Variants in XG observed in about 807,000 individuals in gnomAD.
The protein encoded by XG is Xg glycoprotein (Xg blood group).
XG carries 24 observed loss-of-function variants against 25.7 expected under a neutral mutation model. That is an observed-to-expected ratio of 0.93 (90% confidence interval 0.68 to 1.31). The LOEUF is 1.31. Ranked by LOEUF, XG falls within the 40% of genes most tolerant of loss-of-function variation. The probability of loss-of-function intolerance (pLI) is 0.00; values close to 1 mark genes in which losing one functional copy is unlikely to be tolerated. For synonymous variants in XG, 77 were observed against 69.2 expected, an observed-to-expected ratio of 1.11 and a Z score of -0.56; for missense variants, 181 against 187.6, an observed-to-expected ratio of 0.96 and a Z score of 0.21.
chrX:2,765,560 G>A (rs1423316660), intron 1 of XG, among the ~76,000 whole-genome samples: 1 of 152,206 alleles, frequency 6.6e-6, no homozygotes, highest in African/African-American at 2.4e-5. Context: ...ATTCAGTTCC[G>A]TGGTGTATAA....
In XG at chrX:2,811,438, G is replaced by A. The variant is rs1168304768; in HGVS notation, c.557G>A (p.Cys186Tyr). 8 of 1,199,611 alleles carry A rather than the reference G, an allele frequency of 6.7e-6. No individual in the cohort carries two copies. The highest frequency in any genetic ancestry group is 9.0e-6 in the Non-Finnish European group (8 of 888,414). Reference protein sequence around the residue: ...SYFKLNNRRNCFRTHEPENV With the variant: ...SYFKLNNRRNYFRTHEPENV ...TTCAAACTAAACAATAGGAGAAATT[G>A]TTTCAGGACCCATGGTAAGTTTGGC... Residue 186 changes from cysteine (C) to tyrosine (Y), a missense_variant, in exon 10 of 11, where the codon TGT becomes TAT. Physicochemically the swap from Cys to Tyr is radical, Grantham distance 194 (BLOSUM62 -2). Transcript: ENST00000644266.
At chrX:2,754,493 C>T (rs1408954857) in intron 1 of XG, among the ~76,000 whole-genome samples, 4 of 152,074 alleles carry the variant, frequency 2.6e-5, no homozygotes, top group Admixed American at 2.6e-4. Flanking sequence ...ACGGGAGTGT[C>T]GTGCCTGATG....
chrX:2,764,029 A>C (rs182918253), intron 1 of XG, among the ~76,000 whole-genome samples: 260 of 152,282 alleles, frequency 1.7e-3, no homozygotes, highest in Admixed American at 2.0e-3. Context: ...TGACACAAGA[A>C]ACAAGTCATA....
intron 4 of XG, among the ~76,000 whole-genome samples, chrX:2,782,443 G>A (rs1340149869): frequency 1.8e-5 from 2 of 111,735 alleles, no homozygotes; most frequent in East Asian, 2.8e-4. Flanking sequence ...AGTAATTCAC[G>A]CAGAGCCGGC....
chrX:2,795,938 G>T (rs2086881650), intron 6 of XG, among the ~76,000 whole-genome samples: 1 of 110,828 alleles, frequency 9.0e-6, no homozygotes, highest in African/African-American at 3.3e-5. Flanking sequence ...TTACAGGCGT[G>T]AGCCACTGTA....
chrX:2,782,113 C>A lies in XG; in HGVS notation c.175C>A (p.Pro59Thr), dbSNP rs1169800775. 1 of 1,210,234 alleles carries A rather than the reference C, an allele frequency of 8.3e-7. No individual in the cohort carries two copies. The change falls in exon 4 of 11, where the codon CCC becomes ACC. Residue 59 changes from proline (P) to threonine (T), a missense_variant. By Grantham distance (38) the Pro-to-Thr change is conservative (BLOSUM62 -1). Transcript: ENST00000644266. ...ACCTTACTACCCACAGCCCGAGAATCCCGACAGCGGTGGAAGTAAGAATCC... is the reference window on the plus strand; with the variant it reads ...ACCTTACTACCCACAGCCCGAGAATACCGACAGCGGTGGAAGTAAGAATCC... ...KPPYYPQPEN[P>T]DSGGNIYPRP...
At chrX:2,772,184 C>T (rs1453074145) in intron 2 of XG, among the ~76,000 whole-genome samples, 2 of 152,186 alleles carry the variant, frequency 1.3e-5, no homozygotes, top group Non-Finnish European at 2.9e-5. Flanking sequence ...TGAAAGATCA[C>T]TGACATGTGA....
At chrX:2,757,993 A>G (rs930305970) in intron 1 of XG, among the ~76,000 whole-genome samples, 3 of 149,112 alleles carry the variant, frequency 2.0e-5, no homozygotes, top group African/African-American at 7.4e-5. Flanking sequence ...AAAAAAAAAA[A>G]AAAGGAAAAA....
intron 3 of XG, among the ~76,000 whole-genome samples, chrX:2,777,990 G>A (rs192985622): frequency 6.6e-6 from 1 of 152,146 alleles, no homozygotes; most frequent in African/African-American, 2.4e-5. Context: ...AAAAAAATGC[G>A]CAAAGCAAAT....
At chrX:2,776,398 C>T (rs928080443) in intron 3 of XG, among the ~76,000 whole-genome samples, 25 of 152,096 alleles carry the variant, frequency 1.6e-4, no homozygotes, top group Non-Finnish European at 2.9e-4. Flanking sequence ...GGGCTTTGGG[C>T]GTTACTAATC....
At chrX:2,761,882 G>A (rs993662497) in intron 1 of XG, among the ~76,000 whole-genome samples, 25 of 152,180 alleles carry the variant, frequency 1.6e-4, no homozygotes, top group Non-Finnish European at 3.2e-4. Flanking sequence ...CAAGGTTGTT[G>A]TTTAAGCTGC....
In XG at chrX:2,766,557, CTTTTTT is replaced by C. The variant is rs1177391752; in HGVS notation, c.62-3974_62-3969del. On this transcript the variant is annotated intron_variant, in intron 1 of 10. Transcript: ENST00000644266. ...AGGTCAGGGAATTTCCTTATGGCCACTTTTTTTTTTTTTTTTTTTTTTTTCAAGACA... is the reference window on the plus strand; with the variant it reads ...AGGTCAGGGAATTTCCTTATGGCCACTTTTTTTTTTTTTTTTTTCAAGACA... 5.1e-3 allele frequency among the ~76,000 whole-genome samples: 460 copies of C among 90,148 alleles called. 8 individuals are homozygous for C. The highest frequency in any genetic ancestry group is 0.037 in the South Asian group (90 of 2,408). 59.1% of individuals were successfully genotyped at this position (90,148 alleles called of 152,430 possible). A position where few individuals can be genotyped will look rare whatever the true frequency, so the allele number is the denominator to read the frequency against.
chrX:2,765,724 A>T (rs986005985), intron 1 of XG, among the ~76,000 whole-genome samples: 2 of 152,184 alleles, frequency 1.3e-5, no homozygotes, highest in African/African-American at 4.8e-5. Context: ...CTGTGGGTCC[A>T]TTGCTCTCCT....
At chrX:2,773,207 G>GA (rs1217049721) in intron 2 of XG, among the ~76,000 whole-genome samples, 3 of 149,154 alleles carry the variant, frequency 2.0e-5, no homozygotes, top group Non-Finnish European at 4.5e-5. Flanking sequence ...AGAAAAGGAA[G>GA]AAGAGAGGGA....
chrX:2,801,116 T>TCGCAA (rs2147084029), intron 7 of XG, among the ~76,000 whole-genome samples: 1 of 111,059 alleles, frequency 9.0e-6, no homozygotes, highest in East Asian at 2.8e-4. Context: ...GTAGACCTGA[T>TCGCAA]TTATTAAGAC....
At chrX:2,774,144 C>G (rs2050920371) in intron 2 of XG, among the ~76,000 whole-genome samples, 1 of 152,068 alleles carries the variant, frequency 6.6e-6, no homozygotes. Context: ...TCCAATTTTC[C>G]CAGCCATGGC....
intron 1 of XG, among the ~76,000 whole-genome samples, chrX:2,766,883 GA>G (rs1219763969): frequency 6.6e-6 from 1 of 152,100 alleles, no homozygotes; most frequent in African/African-American, 2.4e-5. Flanking sequence ...TCTTTATACA[GA>G]TAGGATAGAG....
chrX:2,770,677 G>A (rs1363160267), intron 2 of XG, 86 bp downstream of exon 2: 2 of 1,549,266 alleles, frequency 1.3e-6, no homozygotes, highest in Non-Finnish European at 1.8e-6. Flanking sequence ...GGGTTGGATT[G>A]GGCCAGTGTT....
chrX:2,773,335 GAAA>G (rs1885474120), intron 2 of XG, among the ~76,000 whole-genome samples: 1 of 143,058 alleles, frequency 7.0e-6, no homozygotes, highest in Non-Finnish European at 1.5e-5. Context: ...AGGAAAGAAA[GAAA>G]AATAGGAGAA....
Sources: allele counts gnomAD v4.1 joint callset (sites outside exome capture counted in the v4.1 genomes callset), GRCh38; gene constraint gnomAD v4.1.1; transcripts MANE v1.5; gene names NCBI Gene and HGNC (gene_info 2026-07-23, HGNC 2026-07-21).